The following SLC4A7 variants were observed in gnomAD, a reference collection of about 807,000 sequenced individuals.
The protein encoded by SLC4A7 is sodium bicarbonate cotransporter 3.
SLC4A7 carries 51 observed loss-of-function variants against 137.6 expected under a neutral mutation model. The observed-to-expected ratio is 0.37, with a 90% CI of 0.30 to 0.47. The LOEUF is 0.47. Among genes scored for constraint, SLC4A7 ranks in the 20% least tolerant of loss-of-function variants. The probability of loss-of-function intolerance (pLI) is 1.00; values close to 1 mark genes in which losing one functional copy is unlikely to be tolerated. For missense variants in SLC4A7, 1,247 were observed against 1,525.4 expected, an observed-to-expected ratio of 0.82 and a Z score of 3.04; for synonymous variants, 542 against 518.6, an observed-to-expected ratio of 1.05 and a Z score of -0.61.
At chr3:27,454,193 C>A (rs1167224600) in intron 1 of SLC4A7, among the ~76,000 whole-genome samples, 1 of 152,106 alleles carries the variant, frequency 6.6e-6, no homozygotes, top group African/African-American at 2.4e-5. Flanking sequence ...AGGCTAGGCA[C>A]GGTGGCTCAC....
At chr3:27,448,581 CAATTA>C in intron 3 of SLC4A7, 65 bp downstream of exon 3, 1 of 1,330,722 alleles carries the variant, frequency 7.5e-7, no homozygotes, top group Non-Finnish European at 1.0e-6. Context: ...AAGAAATATT[CAATTA>C]AAAGAAAATA....
chr3:27,442,719 A>G (rs2057297825), intron 3 of SLC4A7, among the ~76,000 whole-genome samples: 1 of 152,118 alleles, frequency 6.6e-6, no homozygotes, highest in Non-Finnish European at 1.5e-5. Context: ...CATGGCAGGG[A>G]AAGATTAGGC....
chr3:27,412,386 GA>G (rs1345330021), intron 11 of SLC4A7, among the ~76,000 whole-genome samples: 1 of 152,182 alleles, frequency 6.6e-6, no homozygotes, highest in African/African-American at 2.4e-5. Context: ...CATACAAGAG[GA>G]AAGATGGTAG....
At chr3:27,416,408 T>C (rs973151360) in intron 11 of SLC4A7, among the ~76,000 whole-genome samples, 1 of 152,220 alleles carries the variant, frequency 6.6e-6, no homozygotes, top group African/African-American at 2.4e-5. Context: ...TGTACACTCT[T>C]AGTGTGTATA....
intron 15 of SLC4A7, 71 bp from the exon 16 acceptor site, chr3:27,400,940 T>C (rs1401435098): frequency 4.8e-6 from 4 of 832,450 alleles, no homozygotes; most frequent in African/African-American, 3.4e-5. Flanking sequence ...AAATCAATTA[T>C]ACAATGTGGT....
rs2049729392 is a variant in SLC4A7, at chr3:27,373,911, G to A, written c.*2853C>T. On this transcript the variant is annotated 3_prime_UTR_variant, in exon 26 of 26. Transcript: ENST00000454389. ...CAAATATGAACAATGGGATGCCACA[G>A]CTTTTTAAAACAACTTTTAACAGAT... The A allele has an allele frequency of 6.6e-6, 1 of 152,532 alleles. No homozygotes were observed. Among genetic ancestry groups the A allele is most frequent in the South Asian group, 2.1e-4 (1 of 4,838 alleles). 9.4% of individuals were successfully genotyped at this position (152,532 alleles called of 1,614,324 possible).
chr3:27,409,681 C>A, intron 12 of SLC4A7, 151 bp from the exon 13 acceptor site: 1 of 578,352 alleles, frequency 1.7e-6, no homozygotes, highest in Non-Finnish European at 3.0e-6. Flanking sequence ...ACAGAAGATA[C>A]ACTCATTTAA....
intron 7 of SLC4A7, among the ~76,000 whole-genome samples, chr3:27,427,705 T>C (rs950834138): frequency 4.6e-5 from 7 of 152,150 alleles, no homozygotes; most frequent in African/African-American, 1.4e-4. Context: ...CCGAAAGTAA[T>C]TGAACAGAGA....
intron 13 of SLC4A7, among the ~76,000 whole-genome samples, chr3:27,408,502 T>C (rs1289567442): frequency 1.3e-5 from 2 of 152,232 alleles, no homozygotes; most frequent in African/African-American, 4.8e-5. Context: ...TTATTTCATG[T>C]TTAGATCATG....
At chr3:27,381,414 C>A (rs2050401865) in intron 24 of SLC4A7, among the ~76,000 whole-genome samples, 1 of 152,114 alleles carries the variant, frequency 6.6e-6, no homozygotes, top group Non-Finnish European at 1.5e-5. Flanking sequence ...TATATTAAAT[C>A]TTTTAACAAG....
Position 27,484,056 on chromosome 3 carries a change from G to A in SLC4A7, c.60+11C>T, listed in dbSNP as rs2150782198. 7.2e-7 allele frequency: 1 copy of A among 1,396,566 alleles called. No individual in the cohort carries two copies. The highest frequency in any genetic ancestry group is 9.3e-7 in the Non-Finnish European group (1 of 1,070,932). The allele number at this position is 1,396,566 out of a possible 1,614,324, so 86.5% of individuals were successfully genotyped here. A position where few individuals can be genotyped will look rare whatever the true frequency, so the allele number is the denominator to read the frequency against. ...CCCTGCGGAGGAGCCCCACCGCCGC[G>A]GCGCCCTCACCCTGCTCGTTACCCG... On this transcript the variant is annotated intron_variant, in intron 1 of 25. Coordinates refer to ENST00000454389, the MANE Select transcript of SLC4A7 (RefSeq NM_001321103.2).
chr3:27,418,028 A>G (rs1484038334), intron 11 of SLC4A7, among the ~76,000 whole-genome samples: 1 of 152,284 alleles, frequency 6.6e-6, no homozygotes, highest in Non-Finnish European at 1.5e-5. Flanking sequence ...AAAGACTAAA[A>G]TGACATGTGA....
At chr3:27,409,943 AATT>A (rs1373119609) in intron 12 of SLC4A7, among the ~76,000 whole-genome samples, 4 of 152,348 alleles carry the variant, frequency 2.6e-5, no homozygotes, top group Non-Finnish European at 5.9e-5. Flanking sequence ...CAAGGAAGGC[AATT>A]ATTATCCAAA....
At chr3:27,416,088 ATGT>A (rs2150254462) in intron 11 of SLC4A7, among the ~76,000 whole-genome samples, 1 of 152,338 alleles carries the variant, frequency 6.6e-6, no homozygotes, top group African/African-American at 2.4e-5. Flanking sequence ...TATGAGTCCC[ATGT>A]TGTTACTCAA....
At chr3:27,429,695 C>T (rs6770441) in intron 7 of SLC4A7, among the ~76,000 whole-genome samples, 4,834 of 151,896 alleles carry the variant, frequency 0.032, 261 homozygotes, top group African/African-American at 0.11. Context: ...ACTAAAAATA[C>T]AAAAATTATC....
At chr3:27,416,568 GTT>G (rs2054404020) in intron 11 of SLC4A7, among the ~76,000 whole-genome samples, 1 of 152,034 alleles carries the variant, frequency 6.6e-6, no homozygotes, top group Non-Finnish European at 1.5e-5. Context: ...AGGCTATGAA[GTT>G]TGCATGCAAA....
chr3:27,470,430 C>T (rs961471834), intron 1 of SLC4A7, among the ~76,000 whole-genome samples: 2 of 151,280 alleles, frequency 1.3e-5, no homozygotes, highest in Admixed American at 6.6e-5. Context: ...AATTTATAAG[C>T]CAAATAACAG....
At chr3:27,449,226 C>T (rs1303285606) in intron 2 of SLC4A7, among the ~76,000 whole-genome samples, 1 of 151,810 alleles carries the variant, frequency 6.6e-6, no homozygotes, top group Non-Finnish European at 1.5e-5. Flanking sequence ...GAAAGAAGAG[C>T]TTAGCCCATC....
chr3:27,461,208 GCACACACACA>G (rs57056562), intron 1 of SLC4A7, among the ~76,000 whole-genome samples: 6 of 149,876 alleles, frequency 4.0e-5, no homozygotes, highest in East Asian at 2.0e-4. Context: ...CATCCAATTA[GCACACACACA>G]CACACACACA....
Sources: gnomAD v4.1 joint callset for allele counts (sites outside exome capture counted in the v4.1 genomes callset) on GRCh38, gnomAD v4.1.1 for gene constraint, MANE v1.5 for transcripts, NCBI Gene and HGNC (gene_info 2026-07-23, HGNC 2026-07-21) for gene names.